The following WNK1 variants were observed in gnomAD, a reference collection of about 807,000 sequenced individuals.
WNK1 encodes WNK lysine deficient protein kinase 1, also known as serine/threonine-protein kinase WNK1.
A neutral mutation model predicts 222.8 loss-of-function variants in WNK1; 38 were observed. That is an observed-to-expected ratio of 0.17 (90% CI 0.13 to 0.22). The LOEUF is 0.22. Among genes scored for constraint, WNK1 ranks in the 10% least tolerant of loss-of-function variants. The probability of loss-of-function intolerance (pLI) is 1.00; values close to 1 mark genes in which losing one functional copy is unlikely to be tolerated. For missense variants in WNK1, 2,348 were observed against 2,918.4 expected (o/e 0.80, Z 4.50); for synonymous variants, 1,090 against 1,092.9 (o/e 1.00, Z 0.05).
chr12:784,311 A>G (rs1443737500), intron 1 of WNK1, among the ~76,000 whole-genome samples: 1 of 152,120 alleles, frequency 6.6e-6, no homozygotes, highest in Non-Finnish European at 1.5e-5. Flanking sequence ...AATGGCTACT[A>G]TTACTGGACA....
At position 880,977 on chromosome 12, in the gene WNK1, C is replaced by T. The variant is rs755998245; in HGVS notation, c.3089C>T (p.Ser1030Phe). The T allele has an allele frequency of 4.3e-6, 7 of 1,613,992 alleles. No homozygotes were observed. The African/African-American group carries it at 8.0e-5, about 18-fold the overall frequency. Residue 1030 changes from serine to phenylalanine, a missense_variant, in exon 12 of 28, where the codon TCC becomes TTC. Physicochemically the swap from Ser to Phe is radical, Grantham distance 155. Around this residue, in one of 13 missense-constraint regions of WNK1, gnomAD observed 547 missense variants for 558.3 expected, o/e 0.98. Transcript: ENST00000315939. ...GGSLAQAPTT[S>F]SQQAVLESTQ... Reference sequence around the variant, plus strand: ...AGTTTAGCACAAGCCCCCACTACATCCTCCCAGCAAGCAGTTTTGGAGGTA... The same window carrying T: ...AGTTTAGCACAAGCCCCCACTACATTCTCCCAGCAAGCAGTTTTGGAGGTA...
At chr12:850,210 C>G (rs11064568) in intron 4 of WNK1, among the ~76,000 whole-genome samples, 19,041 of 152,176 alleles carry the variant, frequency 0.13, 1,476 homozygotes, top group Middle Eastern at 0.2. Flanking sequence ...CCTATTTCTC[C>G]ACATCCTGTC....
chr12:900,750 G>T, intron 26 of WNK1, 80 bp downstream of exon 26: 1 of 1,554,656 alleles, frequency 6.4e-7, no homozygotes, highest in Non-Finnish European at 8.9e-7. Flanking sequence ...GTTAAGGCGG[G>T]TTGGGAGACT....
At chr12:755,699 A>G (rs1939909666) in intron 1 of WNK1, among the ~76,000 whole-genome samples, 1 of 152,052 alleles carries the variant, frequency 6.6e-6, no homozygotes, top group Non-Finnish European at 1.5e-5. Flanking sequence ...AGTCTGGGCC[A>G]GGCACGGTGG....
Position 885,421 on chromosome 12 carries a change from A to G in WNK1, c.4617A>G (p.Gly1539=). 1 of 1,613,712 alleles carries G rather than the reference A, an allele frequency of 6.2e-7. No individual in the cohort carries two copies. The highest frequency in any genetic ancestry group is 8.5e-7 in the Non-Finnish European group (1 of 1,180,020). Residue 1539 remains glycine (G), a synonymous_variant, in exon 19 of 28, where the codon GGA becomes GGG. Transcript: ENST00000315939. ...AGACATCTCATAGCAGTACAACTGG[A>G]TTGGCTTTCTCCCTCTCTGCACCAT... ...LDKTSHSSTT[G]LAFSLSAPSS...
chr12:814,448 A>G (rs1947173932), intron 2 of WNK1, among the ~76,000 whole-genome samples: 1 of 152,140 alleles, frequency 6.6e-6, no homozygotes, highest in Non-Finnish European at 1.5e-5. Flanking sequence ...GTGCTTTGCT[A>G]TATCCCTGCA....
intron 1 of WNK1, among the ~76,000 whole-genome samples, chr12:760,539 A>C (rs1940869097): frequency 6.8e-6 from 1 of 147,928 alleles, no homozygotes; most frequent in Non-Finnish European, 1.5e-5. Flanking sequence ...AATATAACAG[A>C]ATACTTAAAT....
intron 4 of WNK1, chr12:851,712 AT>A: frequency 7.5e-7 from 1 of 1,340,580 alleles, no homozygotes. Context: ...AAAAAGAAAG[AT>A]TTTTGCTCAG....
In WNK1 at chr12:883,104, C is replaced by G. The variant is rs367944391; in HGVS notation, c.3489+45C>G. On this transcript the variant is annotated intron_variant, in intron 15 of 27. Transcript: ENST00000315939. ...TCTAGGTTTTTCCTTAGTACTTGATCTTAATAGCCATTGCTCTAGGCAAAT... is the reference window on the plus strand; with the variant it reads ...TCTAGGTTTTTCCTTAGTACTTGATGTTAATAGCCATTGCTCTAGGCAAAT... The G allele has an allele frequency of 2.2e-6, 3 of 1,343,186 alleles. No homozygotes were observed. In the African/African-American group the frequency reaches 4.3e-5, roughly 19 times the overall value. The allele number at this position is 1,343,186 out of a possible 1,614,324, so 83.2% of individuals were successfully genotyped here.
At chr12:900,374 A>G (rs1438578886) in intron 25 of WNK1, 102 bp from the exon 26 acceptor site, 1 of 1,267,066 alleles carries the variant, frequency 7.9e-7, no homozygotes, top group Non-Finnish European at 1.1e-6. Context: ...TTGACCCATC[A>G]TTCATCACTC....
Position 803,889 on chromosome 12 carries a change from T to G in WNK1, c.760-9753T>G, listed in dbSNP as rs186092392. Among the ~76,000 whole-genome samples the G allele has an allele frequency of 4.7e-4, 72 of 152,348 alleles. 1 individual carries two copies. Among genetic ancestry groups the G allele is most frequent in the Middle Eastern group, 3.4e-3 (1 of 294 alleles). ...CAGTGACTTTTTAAAAGTAATATGCTAAAACCAATCCATTGAGTGAAATGA... is the reference window on the plus strand; with the variant it reads ...CAGTGACTTTTTAAAAGTAATATGCGAAAACCAATCCATTGAGTGAAATGA... On this transcript the variant is annotated intron_variant, in intron 1 of 27. Transcript: ENST00000315939.
chr12:901,568 G>A (rs765130098), intron 26 of WNK1: 72 of 1,288,880 alleles, frequency 5.6e-5, no homozygotes, highest in Admixed American at 3.2e-4. Context: ...CAGGCTGTGC[G>A]AAGTTTAACT....
chr12:839,211 T>G (rs1949432081), intron 4 of WNK1, among the ~76,000 whole-genome samples: 1 of 152,144 alleles, frequency 6.6e-6, no homozygotes, highest in Non-Finnish European at 1.5e-5. Flanking sequence ...GAGTATCTTG[T>G]CAAGTTTGGA....
In WNK1 at chr12:883,413, C is replaced by G. The variant is rs142181848; in HGVS notation, c.3508C>G (p.Leu1170Val). The G allele has an allele frequency of 2.2e-5, 36 of 1,614,120 alleles. No homozygotes were observed. The African/African-American group carries it at 4.1e-4, about 19-fold the overall frequency. The part of the protein sequence containing the change: ...ATIMVNNDFI[L>V]AIERESFVDQ... The stretch of plus-strand genomic sequence containing the variant: ...TTTACAGGTGAACAATGACTTTATT[C>G]TAGCAATAGAGAGAGAGTCGTTTGT... Residue 1170 changes from leucine (L) to valine (V), a missense_variant, in exon 16 of 28, where the codon CTA becomes GTA. By Grantham distance (32) the Leu-to-Val change is conservative. Transcript: ENST00000315939.
chr12:840,291 CTTTTTTTTT>C (rs71441622), intron 4 of WNK1, among the ~76,000 whole-genome samples: 5 of 128,410 alleles, frequency 3.9e-5, no homozygotes, highest in Admixed American at 1.6e-4. Context: ...CCATGTCCAG[CTTTTTTTTT>C]TTTTTTTTTT....
chr12:856,789 G>C (rs1950830067), intron 4 of WNK1, among the ~76,000 whole-genome samples: 2 of 152,192 alleles, frequency 1.3e-5, no homozygotes, highest in Admixed American at 1.3e-4. Context: ...ATAGTTAAAT[G>C]CTGTATTGAT....
At chr12:903,984 G>T (rs1353821417) in intron 26 of WNK1, among the ~76,000 whole-genome samples, 2 of 152,198 alleles carry the variant, frequency 1.3e-5, no homozygotes, top group Admixed American at 6.5e-5. Flanking sequence ...CAATTTAAAT[G>T]AACTTAAAGC....
At position 908,607 on chromosome 12, in the gene WNK1, C is replaced by A. The variant is rs1251020054; in HGVS notation, c.6964C>A (p.Pro2322Thr). ...AGGTCACTTCACCAAGTCTATGTGC[C>A]CCCCACAGCAGTATGGCTTTCCAGC... ...SLGHFTKSMC[P>T]PQQYGFPATP... Residue 2322 changes from proline to threonine, a missense_variant, in exon 28 of 28, where the codon CCC becomes ACC. Transcript: ENST00000315939. 2.5e-6 allele frequency: 4 copies of A among 1,614,146 alleles called. No individual in the cohort carries two copies. Among genetic ancestry groups the A allele is most frequent in the Non-Finnish European group, 3.4e-6 (4 of 1,180,030 alleles).
At chr12:817,123 G>A (rs557701427) in intron 2 of WNK1, among the ~76,000 whole-genome samples, 1 of 152,258 alleles carries the variant, frequency 6.6e-6, no homozygotes, top group African/African-American at 2.4e-5. Context: ...ATGAGCAACA[G>A]AACACACAAA....
Sources: allele counts gnomAD v4.1 joint callset (sites outside exome capture counted in the v4.1 genomes callset), GRCh38; gene constraint gnomAD v4.1.1; regional missense constraint gnomAD v4.1.1; transcripts MANE v1.5; gene names NCBI Gene and HGNC (gene_info 2026-07-23, HGNC 2026-07-21).